Variants in LMBR1 observed in about 807,000 individuals in gnomAD.
LMBR1 encodes the protein limb region 1 protein homolog.
LMBR1 carries 52 observed loss-of-function variants against 73.9 expected under a neutral mutation model. That is an observed-to-expected ratio of 0.70 (90% CI 0.56 to 0.89). The LOEUF (loss-of-function observed/expected upper bound fraction) is 0.89. Among genes scored for constraint, LMBR1 ranks in the 40% least tolerant of loss-of-function variants. The pLI is 0.00. For synonymous variants in LMBR1, 215 were observed against 209.4 expected, an observed-to-expected ratio of 1.03 and a Z score of -0.23; for missense variants, 539 against 579.8, an observed-to-expected ratio of 0.93 and a Z score of 0.72.
intron 1 of LMBR1, among the ~76,000 whole-genome samples, chr7:156,856,439 T>C (rs999488034): frequency 1.3e-5 from 2 of 152,042 alleles, no homozygotes; most frequent in African/African-American, 4.8e-5. Context: ...GCCAGTGTCA[T>C]GAACGGTGGC....
At chr7:156,718,599 T>C (rs889670550) in intron 15 of LMBR1, among the ~76,000 whole-genome samples, 1 of 151,746 alleles carries the variant, frequency 6.6e-6, no homozygotes, top group Non-Finnish European at 1.5e-5. Context: ...GGTGGTGTGG[T>C]GTAAGTAGCT....
intron 15 of LMBR1, among the ~76,000 whole-genome samples, chr7:156,708,309 A>C (rs1057129750): frequency 6.6e-6 from 1 of 152,232 alleles, no homozygotes; most frequent in Non-Finnish European, 1.5e-5. Context: ...CAGGCAAAAA[A>C]CTGAGTTCCC....
intron 1 of LMBR1, among the ~76,000 whole-genome samples, chr7:156,847,263 T>TA (rs1409401907): frequency 6.6e-6 from 1 of 152,158 alleles, no homozygotes; most frequent in African/African-American, 2.4e-5. Context: ...ATAGACCTTA[T>TA]ACACTTCACA....
intron 2 of LMBR1, among the ~76,000 whole-genome samples, chr7:156,835,475 A>G (rs1837447614): frequency 6.6e-6 from 1 of 152,204 alleles, no homozygotes; most frequent in Non-Finnish European, 1.5e-5. Flanking sequence ...CAGGCAGATT[A>G]TCTGAGGTCA....
At chr7:156,877,503 A>G (rs1365854115) in intron 1 of LMBR1, among the ~76,000 whole-genome samples, 3 of 152,188 alleles carry the variant, frequency 2.0e-5, no homozygotes, top group Admixed American at 6.5e-5. Flanking sequence ...CCTTAACAAA[A>G]TACTAGCTAA....
intron 1 of LMBR1, among the ~76,000 whole-genome samples, chr7:156,865,318 A>C (rs1676999310): frequency 6.6e-6 from 1 of 152,160 alleles, no homozygotes; most frequent in African/African-American, 2.4e-5. Context: ...AAAAGAAAAA[A>C]AAATTCAATT....
chr7:156,869,192 TA>T (rs1798910600), intron 1 of LMBR1, among the ~76,000 whole-genome samples: 3 of 152,190 alleles, frequency 2.0e-5, no homozygotes, highest in Admixed American at 2.0e-4. Context: ...TTAAGTTTCT[TA>T]AATTATCTTA....
Position 156,893,174 on chromosome 7 carries a change from A to C in LMBR1, c.-181T>G. The C allele has an allele frequency of 2.3e-6, 1 of 434,542 alleles. No individual in the cohort carries two copies. Among genetic ancestry groups the C allele is most frequent in the Non-Finnish European group, 3.7e-6 (1 of 273,094 alleles). The allele number at this position is 434,542 out of a possible 1,614,324, so 26.9% of individuals were successfully genotyped here. A position where few individuals can be genotyped will look rare whatever the true frequency, so the allele number is the denominator to read the frequency against. On this transcript the variant is annotated 5_prime_UTR_variant, in exon 1 of 17. Transcript: ENST00000353442. ...GTCGCCTCAGCAGCCTCAGACGAGC[A>C]GCTCTGACTAAGGGAGGGCGGGCGC...
At chr7:156,806,757 G>A (rs1056641828) in intron 4 of LMBR1, among the ~76,000 whole-genome samples, 15 of 151,872 alleles carry the variant, frequency 9.9e-5, no homozygotes, top group African/African-American at 3.4e-4. Context: ...GACTACAGGT[G>A]CACACCACCA....
At chr7:156,830,341 A>AT (rs2133857952) in intron 3 of LMBR1, among the ~76,000 whole-genome samples, 1 of 152,308 alleles carries the variant, frequency 6.6e-6, no homozygotes, top group South Asian at 2.1e-4. Flanking sequence ...TAGTATTTCA[A>AT]TTTTTTTAAA....
In LMBR1 at chr7:156,783,402, C is replaced by A. The variant is rs184897660; in HGVS notation, c.423+12987G>T. 8.7e-4 allele frequency among the ~76,000 whole-genome samples: 132 copies of A among 152,212 alleles called. 2 individuals carry two copies. The East Asian group carries it at 0.022, about 26-fold the overall frequency. On this transcript the variant is annotated intron_variant, in intron 5 of 16. Coordinates refer to ENST00000353442, the MANE Select transcript of LMBR1 (RefSeq NM_022458.4). The stretch of plus-strand genomic sequence containing the variant: ...CTATGTTGCCCAGGCTAGTCTCGAA[C>A]TCCTGGCCTCCTGCGATTCTCCCAC...
At chr7:156,848,793 T>C (rs1795849899) in intron 1 of LMBR1, among the ~76,000 whole-genome samples, 1 of 151,978 alleles carries the variant, frequency 6.6e-6, no homozygotes. Context: ...TAGCTGGCTG[T>C]GGTGGCAGGA....
chr7:156,873,754 T>A (rs1196278763), intron 1 of LMBR1, among the ~76,000 whole-genome samples: 1 of 151,200 alleles, frequency 6.6e-6, no homozygotes, highest in African/African-American at 2.4e-5. Flanking sequence ...ATTGGTGTAT[T>A]TACAATCCCT....
In LMBR1 at chr7:156,725,581, G is replaced by A. The variant is rs372899630; in HGVS notation, c.1068-56C>T. 62 of 1,369,156 alleles carry A rather than the reference G, an allele frequency of 4.5e-5. 1 individual carries two copies. In the South Asian group the frequency reaches 5.6e-4, roughly 12 times the overall value. 84.8% of individuals were successfully genotyped at this position (1,369,156 alleles called of 1,614,324 possible). A position where few individuals can be genotyped will look rare whatever the true frequency, so the allele number is the denominator to read the frequency against. ...CAGAATGCAAGTTTCCTAAGTTCTC[G>A]GCAGTCTCCAAAAAGTCTTAAGGCC... On this transcript the variant is annotated intron_variant, in intron 13 of 16. Transcript: ENST00000353442.
chr7:156,777,111 A>C (rs747375706), intron 5 of LMBR1, among the ~76,000 whole-genome samples: 1 of 151,874 alleles, frequency 6.6e-6, no homozygotes, highest in African/African-American at 2.4e-5. Flanking sequence ...TTATCTCTGT[A>C]TTTTTAGTAG....
chr7:156,676,385 C>A, downstream of LMBR1: 1 of 1,614,024 alleles, frequency 6.2e-7, no homozygotes. Context: ...ATGAAACTAA[C>A]CCGCGTGGCC....
rs58044015 is a variant in LMBR1 at position 156,805,215 on chromosome 7, C to CTTTTTTTTT, written c.320-8732_320-8724dup. Reference sequence around the variant, plus strand: ...TTTATCTTTATGCTAACATCATGCACTTTTTTTTTTTTTTTTTTTTGAGAC... The same window carrying CTTTTTTTTT: ...TTTATCTTTATGCTAACATCATGCACTTTTTTTTTTTTTTTTTTTTTTTTTTTTTGAGAC... On this transcript the variant is annotated intron_variant, in intron 4 of 16. Transcript: ENST00000353442. 9.8e-4 allele frequency among the ~76,000 whole-genome samples: 120 copies of CTTTTTTTTT among 122,718 alleles called. 3 individuals carry two copies. The highest frequency in any genetic ancestry group is 1.4e-3 in the Non-Finnish European group (82 of 59,654). 80.5% of individuals were successfully genotyped at this position (122,718 alleles called of 152,430 possible). A position where few individuals can be genotyped will look rare whatever the true frequency, so the allele number is the denominator to read the frequency against.
intron 4 of LMBR1, among the ~76,000 whole-genome samples, chr7:156,802,341 T>C (rs61499361): frequency 0.1 from 15,689 of 152,276 alleles, 1,139 homozygotes; most frequent in East Asian, 0.29. Flanking sequence ...AATCTCTAGA[T>C]CAAAGGTCCA....
At chr7:156,801,129 TCTA>T (rs1830883119) in intron 4 of LMBR1, among the ~76,000 whole-genome samples, 1 of 152,198 alleles carries the variant, frequency 6.6e-6, no homozygotes, top group East Asian at 1.9e-4. Context: ...TGAAAGAACT[TCTA>T]CTGTGAGTAA....
Sources: gnomAD v4.1 joint callset for allele counts (sites outside exome capture counted in the v4.1 genomes callset) on GRCh38, gnomAD v4.1.1 for gene constraint, MANE v1.5 for transcripts, NCBI Gene and HGNC (gene_info 2026-07-23, HGNC 2026-07-21) for gene names.